SLC9A4: variants seen among roughly 807,000 people sequenced by gnomAD.
SLC9A4 encodes sodium/hydrogen exchanger 4.
In SLC9A4, 63 loss-of-function variants were observed where a neutral mutation model predicts 67.4. The ratio of observed to expected loss-of-function variants is 0.93; its 90% CI spans 0.76 to 1.15. The LOEUF is 1.15. Ranked by LOEUF, SLC9A4 falls within the 50% of genes most tolerant of loss-of-function variation. The probability of loss-of-function intolerance (pLI) is 0.00; values close to 1 mark genes in which losing one functional copy is unlikely to be tolerated. For missense variants in SLC9A4, 1,089 were observed against 987.7 expected, an observed-to-expected ratio of 1.10 and a Z score of -1.38; for synonymous variants, 393 against 367.2, an observed-to-expected ratio of 1.07 and a Z score of -0.80.
intron 2 of SLC9A4, among the ~76,000 whole-genome samples, chr2:102,488,738 AG>A (rs113749020): frequency 0.014 from 2,162 of 152,130 alleles, 46 homozygotes; most frequent in African/African-American, 0.05. Context: ...TAGTAGAGAC[AG>A]GGTTTCACCG....
At position 102,508,925 on chromosome 2, in the gene SLC9A4, C is replaced by T; in HGVS notation, c.1480C>T (p.His494Tyr). The T allele has an allele frequency of 6.2e-7, 1 of 1,610,868 alleles. No homozygotes were observed. Among genetic ancestry groups the T allele is most frequent in the Non-Finnish European group, 8.5e-7 (1 of 1,178,694 alleles). Residue 494 changes from histidine to tyrosine, a missense_variant, in exon 6 of 12, where the codon CAT (histidine) becomes TAT (tyrosine). Coordinates refer to ENST00000295269, the MANE Select transcript of SLC9A4 (RefSeq NM_001011552.4). ...NKKESINEEL[H>Y]IRLMDHLKAG... is the part of the protein sequence containing the mutation. ...AAAAGAATCCATCAATGAAGAGCTT[C>T]ATATTCGTGTAAGTTATCTCATAGT...
chr2:102,490,254 C>T (rs1206719957), intron 2 of SLC9A4, among the ~76,000 whole-genome samples: 1 of 152,194 alleles, frequency 6.6e-6, no homozygotes, highest in Admixed American at 6.5e-5. Context: ...TATTAGCCCT[C>T]TAGGGCTGTT....
rs1363939351 is a variant in SLC9A4, at chr2:102,504,923, G to T, written c.981-331G>T. Among the ~76,000 whole-genome samples the T allele has an allele frequency of 6.2e-5, 8 of 130,078 alleles. No homozygotes were observed. In the East Asian group the frequency reaches 1.6e-3, roughly 26 times the overall value. The allele number at this position is 130,078 out of a possible 152,430, so 85.3% of individuals were successfully genotyped here. ...TTGGTTTAAGGCAGAGTAACGCAGAGAGTGTGAGTTGGGACTGACAAACTC... is the reference window on the plus strand; with the variant it reads ...TTGGTTTAAGGCAGAGTAACGCAGATAGTGTGAGTTGGGACTGACAAACTC... On this transcript the variant is annotated intron_variant, in intron 3 of 11. Transcript: ENST00000295269.
At chr2:102,514,356 T>C in intron 8 of SLC9A4, 105 bp downstream of exon 8, 1 of 688,456 alleles carries the variant, frequency 1.5e-6, no homozygotes, top group Non-Finnish European at 2.3e-6. Flanking sequence ...GAGGCAGAAA[T>C]ATAAAGAAGA....
intron 11 of SLC9A4, among the ~76,000 whole-genome samples, chr2:102,529,930 C>G (rs1196451884): frequency 6.6e-6 from 1 of 152,110 alleles, no homozygotes; most frequent in Non-Finnish European, 1.5e-5. Flanking sequence ...GACTGGAAAC[C>G]TCTTATATGA....
At position 102,473,906 on chromosome 2, in the gene SLC9A4, C is replaced by G; in HGVS notation, c.147C>G (p.Ala49=). 1 of 1,614,068 alleles carries G rather than the reference C, an allele frequency of 6.2e-7. No individual in the cohort carries two copies. Among genetic ancestry groups the G allele is most frequent in the African/African-American group, 1.3e-5 (1 of 75,024 alleles). Residue 49 remains alanine (A), a synonymous_variant, in exon 1 of 12, where the codon GCC becomes GCG. Transcript: ENST00000295269. ...CATCTAACGCTTGGTTTGCTGCTGC[C>G]AGCTCAGAGCCAGAGGAAGGGATAT... is the stretch of plus-strand genomic sequence containing the variant. ...QYASNAWFAA[A]SSEPEEGISV... is the part of the protein sequence containing the mutation.
chr2:102,473,932 C>G lies in SLC9A4; in HGVS notation c.173C>G (p.Ser58Cys). ...AGCTCAGAGCCAGAGGAAGGGATAT[C>G]TGTTTTTGAACTGGATTATGACTAT... ...AASSEPEEGI[S>C]VFELDYDYVQ... is the part of the protein sequence containing the mutation. The change falls in exon 1 of 12, where the codon TCT becomes TGT. Residue 58 changes from serine to cysteine, a missense_variant. Physicochemically the swap from Ser to Cys is moderately radical, Grantham distance 112. Coordinates refer to ENST00000295269, the MANE Select transcript of SLC9A4 (RefSeq NM_001011552.4). The G allele has an allele frequency of 6.2e-7, 1 of 1,614,050 alleles. No homozygotes were observed. The highest frequency in any genetic ancestry group is 8.5e-7 in the Non-Finnish European group (1 of 1,179,954).
intron 11 of SLC9A4, among the ~76,000 whole-genome samples, chr2:102,529,258 G>C (rs1674730868): frequency 6.6e-6 from 1 of 152,172 alleles, no homozygotes; most frequent in South Asian, 2.1e-4. Flanking sequence ...ATACTCGACT[G>C]GTTCTAAGTT....
At chr2:102,495,352 AACATTG>A (rs1176127982) in intron 2 of SLC9A4, among the ~76,000 whole-genome samples, 2 of 152,122 alleles carry the variant, frequency 1.3e-5, no homozygotes, top group Admixed American at 6.5e-5. Context: ...AATATTATAG[AACATTG>A]CTGGCAGGAA....
At chr2:102,527,337 T>A (rs1376156951) in intron 11 of SLC9A4, among the ~76,000 whole-genome samples, 1 of 152,184 alleles carries the variant, frequency 6.6e-6, no homozygotes, top group Non-Finnish European at 1.5e-5. Context: ...TTTTGCAATC[T>A]TTATAAATTG....
Position 102,532,586 on chromosome 2 carries a change from G to C in SLC9A4, c.2295G>C (p.Glu765Asp), listed in dbSNP as rs1406060646. 1 of 1,614,040 alleles carries C rather than the reference G, an allele frequency of 6.2e-7. No individual in the cohort carries two copies. The highest frequency in any genetic ancestry group is 1.1e-5 in the South Asian group (1 of 91,058). ...AGGGTGAGTCTGGAGGGGAGAGTGA[G>C]GGCAAGGCCTCTTTGGTTGAGGTTC... Reference protein sequence around the residue: ...DEEGESGGESEGKASLVEVRS... With the variant: ...DEEGESGGESDGKASLVEVRS... Residue 765 changes from glutamate (E) to aspartate (D), a missense_variant, in exon 12 of 12, where the codon GAG (glutamate) becomes GAC (aspartate). Coordinates refer to ENST00000295269, the MANE Select transcript of SLC9A4 (RefSeq NM_001011552.4).
Position 102,479,144 on chromosome 2 carries a change from C to G in SLC9A4, c.562C>G (p.Leu188Val), listed in dbSNP as rs766712008. 2.5e-6 allele frequency: 4 copies of G among 1,614,138 alleles called. No individual in the cohort carries two copies. The highest frequency in any genetic ancestry group is 3.4e-6 in the Non-Finnish European group (4 of 1,179,994). Residue 188 changes from leucine (L) to valine (V), a missense_variant, in exon 2 of 12, where the codon CTG becomes GTG. Leu to Val is a conservative substitution (Grantham distance 32). Coordinates refer to ENST00000295269, the MANE Select transcript of SLC9A4 (RefSeq NM_001011552.4). ...CATCTGCCAGGTGAAGGCCTTTGGC[C>G]TGGGCGACGTCAACCTGCTGCAGAA... ...YLICQVKAFGLGDVNLLQNLL... is the reference protein window; with the variant it reads ...YLICQVKAFGVGDVNLLQNLL...
intron 2 of SLC9A4, among the ~76,000 whole-genome samples, chr2:102,489,619 C>T (rs1446229694): frequency 2.0e-5 from 3 of 152,172 alleles, no homozygotes; most frequent in African/African-American, 7.2e-5. Flanking sequence ...TTCTCCTCCT[C>T]ATTACGTGTT....
In SLC9A4 at chr2:102,492,021, T is replaced by A. The variant is rs147921226; in HGVS notation, c.721-11427T>A. 5.6e-3 allele frequency among the ~76,000 whole-genome samples: 846 copies of A among 152,344 alleles called. 17 individuals are homozygous for A. Among genetic ancestry groups the A allele is most frequent in the African/African-American group, 0.02 (811 of 41,586 alleles). ...GCAGTCAAATCTTAAAGCTCCAAAA[T>A]GATCTCCTTTGATTCCATGTCTCAC... On this transcript the variant is annotated intron_variant, in intron 2 of 11. Coordinates refer to ENST00000295269, the MANE Select transcript of SLC9A4 (RefSeq NM_001011552.4).
intron 7 of SLC9A4, among the ~76,000 whole-genome samples, chr2:102,513,152 C>T (rs922321381): frequency 1.3e-5 from 2 of 152,026 alleles, no homozygotes; most frequent in African/African-American, 2.4e-5. Flanking sequence ...ACAGGAACCG[C>T]GGCTTCTCAT....
intron 11 of SLC9A4, 122 bp downstream of exon 11, chr2:102,526,468 G>A (rs1429581326): frequency 3.8e-6 from 3 of 782,924 alleles, no homozygotes; most frequent in Non-Finnish European, 5.8e-6. Flanking sequence ...ATAAGAAAAA[G>A]AAGAAAACAA....
At chr2:102,476,763 A>G (rs1684342988) in intron 1 of SLC9A4, among the ~76,000 whole-genome samples, 2 of 152,252 alleles carry the variant, frequency 1.3e-5, no homozygotes, top group South Asian at 4.1e-4. Context: ...GGAGGAAGAG[A>G]GTAAGAAGGA....
intron 7 of SLC9A4, 58 bp from the exon 8 acceptor site, chr2:102,514,032 A>T: frequency 6.4e-7 from 1 of 1,561,408 alleles, no homozygotes; most frequent in Non-Finnish European, 8.6e-7. Flanking sequence ...AGAAATGCAT[A>T]CTTAATGTAA....
intron 2 of SLC9A4, among the ~76,000 whole-genome samples, chr2:102,486,776 G>A (rs1354198149): frequency 5.3e-5 from 8 of 152,176 alleles, no homozygotes; most frequent in African/African-American, 1.7e-4. Flanking sequence ...TGAGACTTCG[G>A]ATGCCTGGCA....
Sources: allele counts gnomAD v4.1 joint callset (sites outside exome capture counted in the v4.1 genomes callset), GRCh38; gene constraint gnomAD v4.1.1; transcripts MANE v1.5; gene names NCBI Gene and HGNC (gene_info 2026-07-23, HGNC 2026-07-21).